The following PRORP variants were observed in gnomAD, a reference collection of about 807,000 sequenced individuals.
PRORP encodes the protein mitochondrial ribonuclease P catalytic subunit.
PRORP carries 51 observed loss-of-function variants against 59.4 expected under a neutral mutation model. The ratio of observed to expected loss-of-function variants is 0.86; its 90% CI spans 0.69 to 1.08. The LOEUF is 1.08. Ranked by LOEUF, PRORP falls within the 50% of genes least tolerant of loss-of-function variation. The probability of loss-of-function intolerance (pLI) is 0.00; values close to 1 mark genes in which losing one functional copy is unlikely to be tolerated. For synonymous variants in PRORP, 231 were observed against 245.6 expected (o/e 0.94, Z 0.55); for missense variants, 646 against 690.3 (o/e 0.94, Z 0.72).
At position 35,270,537 on chromosome 14, in the gene PRORP, C is replaced by A. The variant is rs1159523333; in HGVS notation, c.1561C>A (p.Gln521Lys). The A allele has an allele frequency of 2.5e-6, 4 of 1,614,014 alleles. No individual in the cohort carries two copies. Among genetic ancestry groups the A allele is most frequent in the Non-Finnish European group, 3.4e-6 (4 of 1,180,036 alleles). Residue 521 changes from glutamine (Q) to lysine (K), a missense_variant, in exon 7 of 8, where the codon CAG (glutamine) becomes AAG (lysine). Physicochemically the swap from Gln to Lys is moderately conservative, Grantham distance 53. Coordinates refer to ENST00000534898, the MANE Select transcript of PRORP (RefSeq NM_014672.4). ...GACCCAACGCCTGTTTTTTAAGTGG[C>A]AGCAGGGACATCAGCTGGCAATTGT... ...AKTQRLFFKWQQGHQLAIVNR... is the reference protein window; with the variant it reads ...AKTQRLFFKWKQGHQLAIVNR...
At chr14:35,264,746 G>A (rs567447625) in intron 5 of PRORP, among the ~76,000 whole-genome samples, 3 of 152,274 alleles carry the variant, frequency 2.0e-5, no homozygotes, top group South Asian at 2.1e-4. Context: ...TTTGGGAGCC[G>A]AGGCGGTTGG....
intron 5 of PRORP, among the ~76,000 whole-genome samples, chr14:35,255,528 CA>C (rs1168084205): frequency 6.6e-6 from 1 of 152,158 alleles, no homozygotes; most frequent in Non-Finnish European, 1.5e-5. Context: ...CTGGCCTTTT[CA>C]ATTCATCAGG....
rs1400741204 is a variant in PRORP at position 35,139,769 on chromosome 14, A to G, written c.1167+12158A>G. 2.7e-5 allele frequency among the ~76,000 whole-genome samples: 4 copies of G among 145,956 alleles called. 1 individual carries two copies. The highest frequency in any genetic ancestry group is 3.0e-5 in the Non-Finnish European group (2 of 65,620). On this transcript the variant is annotated intron_variant, in intron 4 of 7. Transcript: ENST00000534898. The stretch of plus-strand genomic sequence containing the variant: ...ATTACCACAAACTGGGTAGCTTCAA[A>G]TGACAGATATTTACTCTCTCACAAT...
In PRORP at chr14:35,250,768, G is replaced by A. The variant is rs928124748; in HGVS notation, c.1276-15959G>A. On this transcript the variant is annotated intron_variant, in intron 5 of 7. Coordinates refer to ENST00000534898, the MANE Select transcript of PRORP (RefSeq NM_014672.4). Reference sequence around the variant, plus strand: ...AAAGTCCTTAAAAGAGGGAGATATTGCCAGAGAGAACTTGCCTTGAGAGCC... The same window carrying A: ...AAAGTCCTTAAAAGAGGGAGATATTACCAGAGAGAACTTGCCTTGAGAGCC... 1.6e-4 allele frequency among the ~76,000 whole-genome samples: 24 copies of A among 152,186 alleles called. No individual in the cohort carries two copies. In the South Asian group the frequency reaches 1.7e-3, roughly 11 times the overall value.
chr14:35,187,913 C>T (rs1198701177), intron 5 of PRORP, among the ~76,000 whole-genome samples: 4 of 145,858 alleles, frequency 2.7e-5, no homozygotes, highest in East Asian at 2.1e-4. Flanking sequence ...TGCAGTGGTG[C>T]GATCTCGGTT....
At chr14:35,248,999 G>C (rs550620606) in intron 5 of PRORP, among the ~76,000 whole-genome samples, 3 of 152,270 alleles carry the variant, frequency 2.0e-5, no homozygotes, top group African/African-American at 7.2e-5. Flanking sequence ...CATTATGTTT[G>C]TGATATCCTG....
At chr14:35,249,643 G>A (rs984000076) in intron 5 of PRORP, among the ~76,000 whole-genome samples, 1 of 152,074 alleles carries the variant, frequency 6.6e-6, no homozygotes, top group African/African-American at 2.4e-5. Flanking sequence ...AAAGACCAGT[G>A]TGATAGTATA....
chr14:35,231,419 C>T (rs1361210190), intron 5 of PRORP, among the ~76,000 whole-genome samples: 1 of 152,128 alleles, frequency 6.6e-6, no homozygotes, highest in African/African-American at 2.4e-5. Flanking sequence ...GTTCCTCCCA[C>T]AAAAGCCAAC....
At chr14:35,206,625 G>A (rs1385208310) in intron 5 of PRORP, among the ~76,000 whole-genome samples, 1 of 152,134 alleles carries the variant, frequency 6.6e-6, no homozygotes, top group African/African-American at 2.4e-5. Context: ...TCTACCATAA[G>A]TCTATAGACT....
intron 5 of PRORP, among the ~76,000 whole-genome samples, chr14:35,256,342 TTTTTTTTA>T (rs1413125667): frequency 3.0e-5 from 4 of 131,422 alleles, no homozygotes; most frequent in African/African-American, 9.0e-5. Flanking sequence ...TTTTTTTTTT[TTTTTTTTA>T]AGACAGAGTC....
At chr14:35,203,542 A>G (rs1486514689) in intron 5 of PRORP, among the ~76,000 whole-genome samples, 2 of 152,110 alleles carry the variant, frequency 1.3e-5, no homozygotes, top group Non-Finnish European at 1.5e-5. Context: ...AATTAAAATT[A>G]AATTAAAAAT....
At chr14:35,164,953 C>A (rs550837579) in intron 4 of PRORP, among the ~76,000 whole-genome samples, 40 of 152,178 alleles carry the variant, frequency 2.6e-4, no homozygotes, top group African/African-American at 8.9e-4. Context: ...AGGACGTTTG[C>A]AAAGTTTCTC....
At chr14:35,212,492 C>T (rs1203148441) in intron 5 of PRORP, among the ~76,000 whole-genome samples, 1 of 152,132 alleles carries the variant, frequency 6.6e-6, no homozygotes, top group African/African-American at 2.4e-5. Flanking sequence ...ATGTTGTGTT[C>T]ACAGGCATGA....
chr14:35,256,277 CTG>C (rs1265598313), intron 5 of PRORP, among the ~76,000 whole-genome samples: 3 of 118,476 alleles, frequency 2.5e-5, no homozygotes, highest in Non-Finnish European at 5.1e-5. Flanking sequence ...GAGCGAGACT[CTG>C]TCTCAAAATC....
At chr14:35,153,464 T>C (rs1052931786) in intron 4 of PRORP, among the ~76,000 whole-genome samples, 1 of 152,152 alleles carries the variant, frequency 6.6e-6, no homozygotes, top group Non-Finnish European at 1.5e-5. Flanking sequence ...CTCCCCTTTT[T>C]TGCTAAACCT....
chr14:35,150,957 C>G (rs2047730313), intron 4 of PRORP, among the ~76,000 whole-genome samples: 1 of 152,148 alleles, frequency 6.6e-6, no homozygotes, highest in African/African-American at 2.4e-5. Flanking sequence ...AGAGTCTTAT[C>G]TTTCTTACAG....
At chr14:35,259,020 C>G (rs1483991914) in intron 5 of PRORP, among the ~76,000 whole-genome samples, 1 of 152,130 alleles carries the variant, frequency 6.6e-6, no homozygotes, top group Non-Finnish European at 1.5e-5. Flanking sequence ...GATTTTCTGT[C>G]CAGTTATCTC....
chr14:35,169,838 G>C (rs947639664), intron 4 of PRORP, among the ~76,000 whole-genome samples: 1 of 152,236 alleles, frequency 6.6e-6, no homozygotes, highest in Non-Finnish European at 1.5e-5. Context: ...GTTGGGCATA[G>C]TGTCCTACAG....
At chr14:35,150,382 A>G (rs973628242) in intron 4 of PRORP, among the ~76,000 whole-genome samples, 2 of 152,192 alleles carry the variant, frequency 1.3e-5, no homozygotes, top group African/African-American at 2.4e-5. Flanking sequence ...ACATTTATTG[A>G]TTAAGTTTAC....
Sources: gnomAD v4.1 joint callset for allele counts (sites outside exome capture counted in the v4.1 genomes callset) on GRCh38, gnomAD v4.1.1 for gene constraint, MANE v1.5 for transcripts, NCBI Gene and HGNC (gene_info 2026-07-23, HGNC 2026-07-21) for gene names.